FAM78B: variants seen among roughly 807,000 people sequenced by gnomAD.
FAM78B encodes the protein family with sequence similarity 78 member B, also known as protein FAM78B.
Under a neutral mutation model 20.0 loss-of-function variants are expected in FAM78B, and 10 were observed. The observed-to-expected ratio is 0.50, with a 90% CI of 0.31 to 0.85. FAM78B has a LOEUF of 0.85. FAM78B is among the 40% of genes least tolerant of loss of function. The pLI is 0.05. For missense variants in FAM78B, 283 were observed against 345.0 expected, an observed-to-expected ratio of 0.82 and a Z score of 1.42; for synonymous variants, 135 against 132.8, an observed-to-expected ratio of 1.02 and a Z score of -0.12.
intron 1 of FAM78B, among the ~76,000 whole-genome samples, chr1:166,145,168 C>T (rs1172601778): frequency 6.6e-6 from 1 of 152,186 alleles, no homozygotes; most frequent in Non-Finnish European, 1.5e-5. Flanking sequence ...AAAGCTGAAC[C>T]CCTCTCAGCT....
At chr1:166,113,267 G>T (rs1406180585) in intron 1 of FAM78B, among the ~76,000 whole-genome samples, 1 of 152,158 alleles carries the variant, frequency 6.6e-6, no homozygotes, top group Admixed American at 6.5e-5. Context: ...CAGACTTCCT[G>T]GGAGAAAAAG....
At chr1:166,123,393 G>T (rs1026499681) in intron 1 of FAM78B, among the ~76,000 whole-genome samples, 3 of 152,198 alleles carry the variant, frequency 2.0e-5, no homozygotes, top group Non-Finnish European at 2.9e-5. Context: ...CTACTTCAAT[G>T]ACCTCAGGTC....
rs1654708418 is a variant in FAM78B, at chr1:166,128,088, G to A, written c.263+37898C>T. 2.6e-5 allele frequency among the ~76,000 whole-genome samples: 4 copies of A among 152,218 alleles called. No individual in the cohort carries two copies. In the South Asian group the frequency reaches 8.3e-4, roughly 31 times the overall value. ...TAAATAAAAGCCTAAAACATAGGAA[G>A]TGAAGGAAATGTGGAAACTGAGAAA... On this transcript the variant is annotated intron_variant, in intron 1 of 1. Transcript: ENST00000354422.
chr1:166,109,890 G>GTGTATA (rs1553219484), intron 1 of FAM78B, among the ~76,000 whole-genome samples: 14 of 23,192 alleles, frequency 6.0e-4, no homozygotes, highest in Admixed American at 1.4e-3. Context: ...ATGTATATAT[G>GTGTATA]TATATATATA....
chr1:166,060,623 G>A (rs1651556205), exon 3 of FAM78B: 1 of 1,289,006 alleles, frequency 7.8e-7, no homozygotes, highest in African/African-American at 1.5e-5. Flanking sequence ...TCTCTGCCAT[G>A]TGGTTGTGCT....
intron 1 of FAM78B, among the ~76,000 whole-genome samples, chr1:166,118,958 G>A (rs1273730903): frequency 6.6e-6 from 1 of 152,126 alleles, no homozygotes; most frequent in East Asian, 1.9e-4. Context: ...AGGGGCAGAG[G>A]TGAAGTGACT....
At chr1:166,075,348 G>C (rs1300317024) in intron 1 of FAM78B, among the ~76,000 whole-genome samples, 2 of 152,088 alleles carry the variant, frequency 1.3e-5, no homozygotes, top group Non-Finnish European at 2.9e-5. Flanking sequence ...TTCAAGGTTT[G>C]GTAACCAATT....
chr1:166,107,950 A>G (rs1156429305), intron 1 of FAM78B, among the ~76,000 whole-genome samples: 1 of 152,202 alleles, frequency 6.6e-6, no homozygotes. Flanking sequence ...GCATCACTTT[A>G]TGATTAAAAC....
At chr1:166,135,505 C>A (rs1655036122) in intron 1 of FAM78B, among the ~76,000 whole-genome samples, 1 of 152,214 alleles carries the variant, frequency 6.6e-6, no homozygotes, top group African/African-American at 2.4e-5. Context: ...TCATGTATTG[C>A]TCCTTGTCTG....
intron 1 of FAM78B, among the ~76,000 whole-genome samples, chr1:166,164,395 CAT>C (rs778055844): frequency 3.3e-5 from 5 of 152,238 alleles, no homozygotes; most frequent in African/African-American, 7.2e-5. Context: ...TTAAGAGACA[CAT>C]GTGTTCACAT....
intron 2 of FAM78B, chr1:166,060,744 G>T: frequency 1.2e-6 from 1 of 844,022 alleles, no homozygotes; most frequent in Non-Finnish European, 1.6e-6. Flanking sequence ...AAAAGCAGAT[G>T]GTCATGATCT....
At chr1:166,153,761 C>T (rs1248624108) in intron 1 of FAM78B, among the ~76,000 whole-genome samples, 3 of 151,840 alleles carry the variant, frequency 2.0e-5, no homozygotes, top group Non-Finnish European at 2.9e-5. Flanking sequence ...GAAACTACAG[C>T]TTTAGAGTAA....
intron 1 of FAM78B, among the ~76,000 whole-genome samples, chr1:166,095,873 C>T (rs1004657416): frequency 3.3e-5 from 5 of 152,020 alleles, no homozygotes; most frequent in African/African-American, 9.7e-5. Context: ...GGTGCTGGCT[C>T]CCAGGATCAG....
intron 1 of FAM78B, among the ~76,000 whole-genome samples, chr1:166,157,568 G>A (rs556276960): frequency 6.6e-5 from 10 of 152,132 alleles, no homozygotes; most frequent in Non-Finnish European, 1.3e-4. Flanking sequence ...CATGGGCCTC[G>A]AGAAAAGGAA....
chr1:166,064,315 G>A (rs1269946342), downstream of FAM78B, among the ~76,000 whole-genome samples: 2 of 152,168 alleles, frequency 1.3e-5, no homozygotes, highest in Non-Finnish European at 2.9e-5. Flanking sequence ...AAACTGTGTA[G>A]AGACCCACAT....
chr1:166,140,740 G>T (rs796720629), intron 1 of FAM78B, among the ~76,000 whole-genome samples: 7 of 152,294 alleles, frequency 4.6e-5, no homozygotes, highest in African/African-American at 1.7e-4. Context: ...ATACAACAAA[G>T]AAGCCTTTTT....
At chr1:166,085,934 G>A (rs1471443004) in intron 1 of FAM78B, among the ~76,000 whole-genome samples, 1 of 152,206 alleles carries the variant, frequency 6.6e-6, no homozygotes, top group Non-Finnish European at 1.5e-5. Flanking sequence ...GATCAAGACA[G>A]GCTAGAGGCA....
chr1:166,093,030 T>C (rs1653140640), intron 1 of FAM78B, among the ~76,000 whole-genome samples: 1 of 152,122 alleles, frequency 6.6e-6, no homozygotes, highest in Admixed American at 6.5e-5. Flanking sequence ...ATAACAACAA[T>C]ATTAGTTAAG....
At chr1:166,094,778 C>T (rs78829007) in intron 1 of FAM78B, among the ~76,000 whole-genome samples, 2,570 of 152,180 alleles carry the variant, frequency 0.017, 80 homozygotes, top group African/African-American at 0.059. Context: ...TAAGACATGC[C>T]GGGAGGGACA....
Sources: gnomAD v4.1 joint callset for allele counts (sites outside exome capture counted in the v4.1 genomes callset) on GRCh38, gnomAD v4.1.1 for gene constraint, MANE v1.5 for transcripts, NCBI Gene and HGNC (gene_info 2026-07-23, HGNC 2026-07-21) for gene names.